Variants in AGMO observed in about 807,000 individuals in gnomAD.
AGMO encodes glyceryl-ether monooxygenase.
A neutral mutation model predicts 60.2 loss-of-function variants in AGMO; 75 were observed. The ratio of observed to expected loss-of-function variants is 1.25; its 90% CI spans 1.03 to 1.51. The LOEUF (loss-of-function observed/expected upper bound fraction) is 1.51, where lower values mean the gene tolerates loss of function less well. Among genes scored for constraint, AGMO ranks in the 40% most tolerant of loss-of-function variants. The pLI is 0.00. For missense variants in AGMO, 763 were observed against 525.5 expected (o/e 1.45, Z -4.42); for synonymous variants, 261 against 177.1 (o/e 1.47, Z -3.76).
chr7:15,368,225 C>T (rs1178349282), intron 10 of AGMO, among the ~76,000 whole-genome samples: 1 of 148,698 alleles, frequency 6.7e-6, no homozygotes, highest in African/African-American at 2.5e-5. Flanking sequence ...CAAGAGAGTG[C>T]TATTAATATT....
At chr7:15,247,992 A>T (rs1030974960) in intron 12 of AGMO, among the ~76,000 whole-genome samples, 8 of 151,422 alleles carry the variant, frequency 5.3e-5, no homozygotes, top group African/African-American at 1.9e-4. Flanking sequence ...AACTGAAGTA[A>T]GTGAAGTCTT....
chr7:15,371,030 A>G (rs1393871603), intron 10 of AGMO, among the ~76,000 whole-genome samples: 1 of 152,154 alleles, frequency 6.6e-6, no homozygotes, highest in Non-Finnish European at 1.5e-5. Flanking sequence ...CTCCTTATTC[A>G]GTAAGTGGTA....
At chr7:15,377,451 G>C (rs887358217) in intron 10 of AGMO, among the ~76,000 whole-genome samples, 2 of 152,042 alleles carry the variant, frequency 1.3e-5, no homozygotes, top group East Asian at 3.9e-4. Flanking sequence ...AATGTACACA[G>C]TGTCTGGCTA....
chr7:15,352,682 A>G (rs1782293040), intron 12 of AGMO, among the ~76,000 whole-genome samples: 1 of 151,786 alleles, frequency 6.6e-6, no homozygotes, highest in South Asian at 2.1e-4. Flanking sequence ...GCCCATAATG[A>G]GTCCCTGTCA....
chr7:15,385,351 G>C, intron 10 of AGMO, 95 bp downstream of exon 10: 1 of 830,950 alleles, frequency 1.2e-6, no homozygotes, highest in Non-Finnish European at 2.0e-6. Flanking sequence ...CCACTACAGA[G>C]AATATATGAC....
chr7:15,251,351 C>A (rs1216349427), intron 12 of AGMO, among the ~76,000 whole-genome samples: 1 of 152,110 alleles, frequency 6.6e-6, no homozygotes, highest in African/African-American at 2.4e-5. Flanking sequence ...AAAAACTGTC[C>A]TGGGAAATTA....
intron 12 of AGMO, among the ~76,000 whole-genome samples, chr7:15,266,785 T>TA (rs538896860): frequency 0.013 from 1,867 of 149,228 alleles, 50 homozygotes; most frequent in African/African-American, 0.042. Flanking sequence ...TTTAAGTATC[T>TA]AAAAAAAAAA....
At chr7:15,317,753 G>C (rs553755320) in intron 12 of AGMO, among the ~76,000 whole-genome samples, 31 of 151,646 alleles carry the variant, frequency 2.0e-4, no homozygotes, top group African/African-American at 7.3e-4. Context: ...AAAACAATTT[G>C]TCACACAATA....
At chr7:15,329,992 G>C (rs370508639) in intron 12 of AGMO, among the ~76,000 whole-genome samples, 2 of 152,088 alleles carry the variant, frequency 1.3e-5, no homozygotes, top group Admixed American at 6.5e-5. Flanking sequence ...TGGTCTAGTG[G>C]AAGGAAAAAA....
At chr7:15,190,097 A>T in the AGMO span, among the ~76,000 whole-genome samples, 355 of 1,724 alleles carry the variant, frequency 0.21, 2 homozygotes, top group Middle Eastern at 0.5. Context: ...ATATATATTT[A>T]TATATATATA....
At chr7:15,169,771 T>C in the AGMO span, among the ~76,000 whole-genome samples, 1 of 152,124 alleles carries the variant, frequency 6.6e-6, no homozygotes, top group Non-Finnish European at 1.5e-5. Flanking sequence ...CTTGGAACAG[T>C]TGGAGTCAGT....
At chr7:15,463,032 A>G (rs775430032) in intron 3 of AGMO, among the ~76,000 whole-genome samples, 2 of 152,190 alleles carry the variant, frequency 1.3e-5, no homozygotes, top group African/African-American at 4.8e-5. Context: ...CATCTGGGGT[A>G]TAAGATTATC....
At chr7:15,396,155 T>C (rs1784371740) in intron 5 of AGMO, 1 of 152,310 alleles carries the variant, frequency 6.6e-6, no homozygotes, top group African/African-American at 2.4e-5. Context: ...AAACCTTGTT[T>C]TATATGTCAA....
chr7:15,205,794 A>T (rs1781424686), intron 12 of AGMO, among the ~76,000 whole-genome samples: 1 of 152,166 alleles, frequency 6.6e-6, no homozygotes, highest in African/African-American at 2.4e-5. Context: ...TTAGAATATT[A>T]GAATAACTAT....
intron 12 of AGMO, among the ~76,000 whole-genome samples, chr7:15,359,182 G>A (rs967777868): frequency 2.4e-4 from 36 of 151,394 alleles, no homozygotes; most frequent in African/African-American, 7.5e-4. Context: ...CCAGCTACTC[G>A]GGAGGCTGAG....
chr7:15,194,720 T>G, the AGMO span, among the ~76,000 whole-genome samples: 34 of 152,232 alleles, frequency 2.2e-4, no homozygotes, highest in African/African-American at 6.5e-4. Flanking sequence ...ATTAATTTGG[T>G]GGGGAGGGGC....
intron 12 of AGMO, among the ~76,000 whole-genome samples, chr7:15,263,677 C>A (rs1309223499): frequency 6.6e-6 from 1 of 152,016 alleles, no homozygotes; most frequent in African/African-American, 2.4e-5. Flanking sequence ...CACAAATGCT[C>A]ATCAACCAAT....
intron 12 of AGMO, among the ~76,000 whole-genome samples, chr7:15,339,133 ACTAACCAT>A: frequency 6.6e-6 from 1 of 152,156 alleles, no homozygotes; most frequent in Non-Finnish European, 1.5e-5. Flanking sequence ...CAACTACCAG[ACTAACCAT>A]GAATAAGTCC....
At chr7:15,201,393 T>G (rs375203919) in intron 12 of AGMO, 34 bp from the exon 13 acceptor site, 1 of 1,481,898 alleles carries the variant, frequency 6.7e-7, no homozygotes, top group African/African-American at 1.4e-5. Context: ...AAAAAAAAAT[T>G]AGAAGTGAAT....
Sources: gnomAD v4.1 joint callset for allele counts (sites outside exome capture counted in the v4.1 genomes callset) on GRCh38, gnomAD v4.1.1 for gene constraint, MANE v1.5 for transcripts, NCBI Gene and HGNC (gene_info 2026-07-23, HGNC 2026-07-21) for gene names.